Variants in ASTN1 observed in about 807,000 individuals in gnomAD.
ASTN1 encodes the protein astrotactin 1, also known as astrotactin-1.
ASTN1 carries 41 observed loss-of-function variants against 140.7 expected under a neutral mutation model. The ratio of observed to expected loss-of-function variants is 0.29; its 90% CI spans 0.23 to 0.38. ASTN1 has a LOEUF of 0.38. ASTN1 is among the 10% of genes least tolerant of loss of function. ASTN1 has a pLI of 1.00. For missense variants in ASTN1, 1,479 were observed against 1,678.8 expected, an observed-to-expected ratio of 0.88 and a Z score of 2.08; for synonymous variants, 640 against 652.2, an observed-to-expected ratio of 0.98 and a Z score of 0.29.
At chr1:177,043,072 G>C (rs1677054746) in intron 2 of ASTN1, among the ~76,000 whole-genome samples, 1 of 152,178 alleles carries the variant, frequency 6.6e-6, no homozygotes, top group Non-Finnish European at 1.5e-5. Flanking sequence ...TTTTGACACA[G>C]GCAGCAAAAA....
chr1:176,897,582 G>T (rs530939090), intron 16 of ASTN1, among the ~76,000 whole-genome samples: 2 of 152,074 alleles, frequency 1.3e-5, no homozygotes, highest in South Asian at 4.2e-4. Flanking sequence ...AAAAAAAATG[G>T]ATAAATCTCA....
At chr1:177,014,981 G>T in intron 7 of ASTN1, 106 bp from the exon 8 acceptor site, 2 of 984,940 alleles carry the variant, frequency 2.0e-6, no homozygotes, top group Non-Finnish European at 3.1e-6. Context: ...CTCTTACTCT[G>T]ATATTAGCAT....
intron 22 of ASTN1, among the ~76,000 whole-genome samples, chr1:176,868,585 T>TA (rs375279899): frequency 1.3e-5 from 2 of 152,138 alleles, no homozygotes; most frequent in African/African-American, 4.8e-5. Context: ...GTCAACATGA[T>TA]AAAAAAGGAG....
At chr1:177,031,020 T>C in intron 3 of ASTN1, 68 bp from the exon 4 acceptor site, 8 of 1,506,468 alleles carry the variant, frequency 5.3e-6, no homozygotes, top group Non-Finnish European at 7.2e-6. Flanking sequence ...AAGAAGGAAA[T>C]CTGCATAAAC....
intron 2 of ASTN1, among the ~76,000 whole-genome samples, chr1:177,046,330 C>T (rs1057107298): frequency 1.3e-5 from 2 of 152,180 alleles, no homozygotes; most frequent in African/African-American, 4.8e-5. Flanking sequence ...GAAAAGAAAA[C>T]CAGTCACAAT....
chr1:177,076,375 C>G (rs907141419), intron 1 of ASTN1, among the ~76,000 whole-genome samples: 1 of 151,608 alleles, frequency 6.6e-6, no homozygotes, highest in African/African-American at 2.4e-5. Flanking sequence ...AGAAGCAAGC[C>G]AGAAAACCTA....
intron 1 of ASTN1, among the ~76,000 whole-genome samples, chr1:177,069,288 T>C (rs868379004): frequency 4.6e-5 from 7 of 152,138 alleles, no homozygotes; most frequent in African/African-American, 1.7e-4. Flanking sequence ...AGTAGCCTGA[T>C]CTCTCTCTCA....
At chr1:176,963,441 C>A (rs1400707723) in intron 9 of ASTN1, among the ~76,000 whole-genome samples, 1 of 152,110 alleles carries the variant, frequency 6.6e-6, no homozygotes, top group Non-Finnish European at 1.5e-5. Context: ...ATTTGAGAGG[C>A]TAGTTATTTC....
intron 7 of ASTN1, among the ~76,000 whole-genome samples, chr1:177,022,904 T>C (rs1201321023): frequency 6.6e-6 from 1 of 152,108 alleles, no homozygotes; most frequent in Non-Finnish European, 1.5e-5. Flanking sequence ...GCAGGAGAAC[T>C]CTACTAGACT....
chr1:177,023,294 G>T, intron 7 of ASTN1, 110 bp downstream of exon 7: 2 of 1,377,080 alleles, frequency 1.5e-6, no homozygotes, highest in Non-Finnish European at 2.0e-6. Context: ...GTCTAGGCTC[G>T]AGATGGCAGT....
At chr1:176,993,752 C>A (rs1188835777) in intron 8 of ASTN1, among the ~76,000 whole-genome samples, 1 of 152,142 alleles carries the variant, frequency 6.6e-6, no homozygotes, top group African/African-American at 2.4e-5. Context: ...CTATGTATAT[C>A]TAAATCTCTC....
At chr1:176,995,421 C>A (rs1674392651) in intron 8 of ASTN1, among the ~76,000 whole-genome samples, 1 of 152,140 alleles carries the variant, frequency 6.6e-6, no homozygotes, top group Non-Finnish European at 1.5e-5. Flanking sequence ...TATCTGCATG[C>A]AGATTTTAAC....
intron 22 of ASTN1, 66 bp from the exon 23 acceptor site, chr1:176,864,587 T>C: frequency 6.4e-7 from 1 of 1,574,224 alleles, no homozygotes. Flanking sequence ...GCACAGCTAC[T>C]GTTAGTGTGA....
intron 1 of ASTN1, among the ~76,000 whole-genome samples, chr1:177,123,367 C>T (rs1681490694): frequency 6.6e-6 from 1 of 152,230 alleles, no homozygotes; most frequent in Non-Finnish European, 1.5e-5. Flanking sequence ...AACTTTTTGC[C>T]CACACTAATG....
chr1:176,868,813 T>C, intron 22 of ASTN1, 31 bp downstream of exon 22: 1 of 1,561,902 alleles, frequency 6.4e-7, no homozygotes, highest in Admixed American at 1.8e-5. Flanking sequence ...TCAAGAAGTC[T>C]TTAAAAGGGT....
chr1:176,997,284 G>A (rs539665176), intron 8 of ASTN1, among the ~76,000 whole-genome samples: 1 of 152,172 alleles, frequency 6.6e-6, no homozygotes. Flanking sequence ...AAGGCACAGA[G>A]AACTTATGTA....
intron 16 of ASTN1, among the ~76,000 whole-genome samples, chr1:176,922,991 C>T (rs1249237917): frequency 6.6e-6 from 1 of 152,084 alleles, no homozygotes; most frequent in East Asian, 1.9e-4. Flanking sequence ...TGTATCCAAT[C>T]CTGGTACAAC....
chr1:176,935,318 G>C (rs984583507), intron 15 of ASTN1, among the ~76,000 whole-genome samples: 1 of 152,204 alleles, frequency 6.6e-6, no homozygotes, highest in Admixed American at 6.5e-5. Flanking sequence ...GATATGCACA[G>C]CATCTGTGCT....
chr1:177,147,680 C>T (rs1023363738), intron 1 of ASTN1, among the ~76,000 whole-genome samples: 9 of 152,164 alleles, frequency 5.9e-5, no homozygotes, highest in Admixed American at 5.9e-4. Flanking sequence ...GAGGCTGTCA[C>T]TTCACCTTAG....
Sources: allele counts gnomAD v4.1 joint callset (sites outside exome capture counted in the v4.1 genomes callset), GRCh38; gene constraint gnomAD v4.1.1; transcripts MANE v1.5; gene names NCBI Gene and HGNC (gene_info 2026-07-23, HGNC 2026-07-21).